Variants in LRRC8D observed in about 807,000 individuals in gnomAD.
LRRC8D encodes volume-regulated anion channel subunit LRRC8D.
LRRC8D carries 20 observed loss-of-function variants against 55.8 expected under a neutral mutation model. The observed-to-expected ratio is 0.36, with a 90% CI of 0.25 to 0.52. LRRC8D has a LOEUF of 0.52. Ranked by LOEUF, LRRC8D falls within the 20% of genes least tolerant of loss-of-function variation. The probability of loss-of-function intolerance (pLI) is 0.93; values close to 1 mark genes in which losing one functional copy is unlikely to be tolerated. For missense variants in LRRC8D, 651 were observed against 1,030.8 expected (o/e 0.63, Z 5.05); for synonymous variants, 352 against 377.0 (o/e 0.93, Z 0.77).
chr1:89,826,290 A>G (rs971293814), intron 1 of LRRC8D, among the ~76,000 whole-genome samples: 2 of 151,734 alleles, frequency 1.3e-5, no homozygotes, highest in Non-Finnish European at 2.9e-5. Flanking sequence ...TTTTAGACGG[A>G]GTCTCGCTCT....
chr1:89,915,827 T>TC (rs1663252996), intron 2 of LRRC8D, among the ~76,000 whole-genome samples: 2 of 152,222 alleles, frequency 1.3e-5, no homozygotes, highest in Non-Finnish European at 2.9e-5. Flanking sequence ...GGCCATTTTT[T>TC]GAGAGTTAAA....
chr1:89,901,148 C>T (rs903905930), intron 2 of LRRC8D, among the ~76,000 whole-genome samples: 3 of 152,222 alleles, frequency 2.0e-5, no homozygotes, highest in Non-Finnish European at 4.4e-5. Context: ...TCTGCTGACT[C>T]TGTTAACAGG....
chr1:89,896,048 T>G (rs1317704130), intron 2 of LRRC8D, among the ~76,000 whole-genome samples: 1 of 152,238 alleles, frequency 6.6e-6, no homozygotes, highest in East Asian at 1.9e-4. Flanking sequence ...AAATACATTC[T>G]CTAATAGACA....
At chr1:89,905,475 CT>C (rs1662965452) in intron 2 of LRRC8D, among the ~76,000 whole-genome samples, 1 of 152,170 alleles carries the variant, frequency 6.6e-6, no homozygotes, top group Non-Finnish European at 1.5e-5. Flanking sequence ...AAGCTGTGAG[CT>C]ATACAAAGCA....
intron 1 of LRRC8D, among the ~76,000 whole-genome samples, chr1:89,841,321 C>G (rs972610676): frequency 7.2e-5 from 11 of 152,066 alleles, no homozygotes; most frequent in Admixed American, 1.3e-4. Flanking sequence ...CACTACAATT[C>G]AAGTCTGTGA....
chr1:89,919,527 A>G (rs953639132), intron 2 of LRRC8D, among the ~76,000 whole-genome samples: 2 of 152,232 alleles, frequency 1.3e-5, no homozygotes, highest in South Asian at 2.1e-4. Flanking sequence ...AAAATGGTCA[A>G]GTTTAATCTA....
In LRRC8D at chr1:89,895,824, T is replaced by C. The variant is rs191932261; in HGVS notation, c.-2-37243T>C. On this transcript the variant is annotated intron_variant, in intron 2 of 2. Transcript: ENST00000337338. ...TAAAGCAGTTTACATCTATGTATAA[T>C]TTGTGAGGCCCAGGATAGAATGTCT... is the stretch of plus-strand genomic sequence containing the variant. Among the ~76,000 whole-genome samples the C allele has an allele frequency of 2.6e-3, 398 of 152,304 alleles. 1 individual carries two copies. Among genetic ancestry groups the C allele is most frequent in the African/African-American group, 9.1e-3 (378 of 41,568 alleles).
intron 2 of LRRC8D, among the ~76,000 whole-genome samples, chr1:89,894,429 A>G (rs1416063203): frequency 6.6e-6 from 1 of 152,228 alleles, no homozygotes; most frequent in Non-Finnish European, 1.5e-5. Flanking sequence ...ACTGGAATGT[A>G]TAGTAGAAAT....
At chr1:89,892,319 T>G (rs956126623) in intron 2 of LRRC8D, among the ~76,000 whole-genome samples, 1 of 152,230 alleles carries the variant, frequency 6.6e-6, no homozygotes, top group Admixed American at 6.5e-5. Flanking sequence ...CCTATGGAGA[T>G]CTTTTTGATA....
At chr1:89,829,178 G>T (rs767689395) in intron 1 of LRRC8D, among the ~76,000 whole-genome samples, 4 of 152,202 alleles carry the variant, frequency 2.6e-5, no homozygotes, top group Non-Finnish European at 5.9e-5. Context: ...TCTCAGATAT[G>T]GCTGCTTTTT....
chr1:89,877,946 GC>G (rs1662188805), intron 2 of LRRC8D, among the ~76,000 whole-genome samples: 1 of 152,182 alleles, frequency 6.6e-6, no homozygotes, highest in Non-Finnish European at 1.5e-5. Context: ...TATGCTTGGT[GC>G]CTTCCCTTTT....
At chr1:89,907,885 A>G (rs1282121643) in intron 2 of LRRC8D, among the ~76,000 whole-genome samples, 1 of 152,218 alleles carries the variant, frequency 6.6e-6, no homozygotes, top group Non-Finnish European at 1.5e-5. Flanking sequence ...CAACCCAGTG[A>G]CAGATAGATG....
At chr1:89,880,551 C>T (rs1662256937) in intron 2 of LRRC8D, among the ~76,000 whole-genome samples, 1 of 151,104 alleles carries the variant, frequency 6.6e-6, no homozygotes, top group Non-Finnish European at 1.5e-5. Flanking sequence ...AATAAAATTT[C>T]CCCATGAGTA....
intron 2 of LRRC8D, among the ~76,000 whole-genome samples, chr1:89,863,052 G>T (rs1332239063): frequency 6.6e-6 from 1 of 152,150 alleles, no homozygotes; most frequent in African/African-American, 2.4e-5. Flanking sequence ...AATGACCTTT[G>T]TAGTTCCCTA....
At chr1:89,838,210 AGG>A (rs1178382029) in intron 1 of LRRC8D, among the ~76,000 whole-genome samples, 3 of 25,096 alleles carry the variant, frequency 1.2e-4, no homozygotes, top group Non-Finnish European at 6.5e-4. Flanking sequence ...AAAAAAAAAA[AGG>A]GGGGAAAAAA....
intron 2 of LRRC8D, among the ~76,000 whole-genome samples, chr1:89,928,860 T>G (rs1317842708): frequency 6.6e-6 from 1 of 152,214 alleles, no homozygotes; most frequent in East Asian, 1.9e-4. Context: ...GTCCTTTAAC[T>G]GTTTATTTTT....
intron 2 of LRRC8D, among the ~76,000 whole-genome samples, chr1:89,892,905 A>G (rs1366915253): frequency 1.3e-5 from 2 of 152,250 alleles, no homozygotes; most frequent in Admixed American, 6.5e-5. Context: ...ATTCAATCAG[A>G]CAAAGTTTAT....
At position 89,934,687 on chromosome 1, in the gene LRRC8D, G is replaced by A; in HGVS notation, c.1619G>A (p.Arg540Lys). 1 of 1,614,194 alleles carries A rather than the reference G, an allele frequency of 6.2e-7. No individual in the cohort carries two copies. The highest frequency in any genetic ancestry group is 8.5e-7 in the Non-Finnish European group (1 of 1,180,038). The part of the protein sequence containing the change: ...TAFSFLRDHL[R>K]CLHVKFTDVA... ...TTTAGCTTTCTTCGCGATCACTTGA[G>A]ATGCCTTCACGTGAAGTTCACTGAT... The change falls in exon 3 of 3, where the codon AGA (arginine) becomes AAA (lysine). Residue 540 changes from arginine (R) to lysine (K), a missense_variant. By Grantham distance (26) the Arg-to-Lys change is conservative (BLOSUM62 2). Coordinates refer to ENST00000337338, the MANE Select transcript of LRRC8D (RefSeq NM_001134479.2). The surrounding 1 kb of genome is among the most constrained non-coding windows in gnomAD (Gnocchi z 5.9).
At chr1:89,897,607 G>A (rs1030250504) in intron 2 of LRRC8D, among the ~76,000 whole-genome samples, 3 of 152,164 alleles carry the variant, frequency 2.0e-5, no homozygotes, top group African/African-American at 4.8e-5. Context: ...AGGAGGACAC[G>A]TCAAACTGTA....
Sources: allele counts gnomAD v4.1 joint callset (sites outside exome capture counted in the v4.1 genomes callset), GRCh38; gene constraint gnomAD v4.1.1; non-coding constraint Gnocchi (gnomAD v3.1); transcripts MANE v1.5; gene names NCBI Gene and HGNC (gene_info 2026-07-23, HGNC 2026-07-21).